Variants in ROBO2 observed in about 807,000 individuals in gnomAD.
ROBO2 encodes roundabout homolog 2.
ROBO2 carries 53 observed loss-of-function variants against 160.8 expected under a neutral mutation model. The ratio of observed to expected loss-of-function variants is 0.33; its 90% CI spans 0.26 to 0.41. The LOEUF (loss-of-function observed/expected upper bound fraction) is 0.41. Ranked by LOEUF, ROBO2 falls within the 10% of genes least tolerant of loss-of-function variation. The pLI is 1.00. For synonymous variants in ROBO2, 664 were observed against 611.7 expected (o/e 1.09, Z -1.26); for missense variants, 1,577 against 1,722.4 (o/e 0.92, Z 1.49).
chr3:76,904,538 C>G (rs930956673), intron 2 of ROBO2, among the ~76,000 whole-genome samples: 4 of 152,080 alleles, frequency 2.6e-5, no homozygotes, highest in African/African-American at 7.2e-5. Flanking sequence ...GATGCAGTAC[C>G]AGTTTCATCT....
chr3:76,075,576 T>C (rs751239594), intron 2 of ROBO2, among the ~76,000 whole-genome samples: 1 of 152,034 alleles, frequency 6.6e-6, no homozygotes, highest in Non-Finnish European at 1.5e-5. Flanking sequence ...TTGAATTAAA[T>C]GTAACATTTT....
chr3:76,763,094 C>T (rs1324134300), intron 2 of ROBO2, among the ~76,000 whole-genome samples: 1 of 151,632 alleles, frequency 6.6e-6, no homozygotes, highest in African/African-American at 2.4e-5. Context: ...AAGGCAATAA[C>T]ATGTAAAAAT....
At chr3:76,830,809 T>G (rs1437416761) in intron 2 of ROBO2, among the ~76,000 whole-genome samples, 2 of 70,808 alleles carry the variant, frequency 2.8e-5, no homozygotes, top group Non-Finnish European at 5.8e-5. Context: ...AGACCTCATT[T>G]CTAAAAAAAA....
At chr3:76,718,055 C>T (rs569546624) in intron 2 of ROBO2, among the ~76,000 whole-genome samples, 1 of 152,248 alleles carries the variant, frequency 6.6e-6, no homozygotes, top group African/African-American at 2.4e-5. Flanking sequence ...GCATAACCTG[C>T]CCAAACTGGA....
chr3:76,424,465 A>G (rs987084831), intron 2 of ROBO2, among the ~76,000 whole-genome samples: 3 of 152,184 alleles, frequency 2.0e-5, no homozygotes, highest in African/African-American at 7.2e-5. Context: ...GGATAAACAC[A>G]TAGAAGCAGA....
At chr3:76,892,301 TA>T (rs1182982582) in intron 2 of ROBO2, among the ~76,000 whole-genome samples, 1 of 150,486 alleles carries the variant, frequency 6.6e-6, no homozygotes, top group Admixed American at 6.5e-5. Flanking sequence ...GGCTCTGTCT[TA>T]AATCTCTGAT....
intron 2 of ROBO2, among the ~76,000 whole-genome samples, chr3:76,201,147 A>G (rs1001935948): frequency 9.9e-5 from 15 of 152,178 alleles, no homozygotes; most frequent in Non-Finnish European, 1.9e-4. Context: ...TTTTTTCTGA[A>G]TCAGTCTTTA....
At chr3:76,043,620 CAAAAAAAAAAA>C (rs56988287) in intron 2 of ROBO2, among the ~76,000 whole-genome samples, 13 of 38,436 alleles carry the variant, frequency 3.4e-4, no homozygotes, top group Admixed American at 2.4e-3. Context: ...CTTCATCGTC[CAAAAAAAAAAA>C]AAAAAAAAAA....
chr3:76,871,971 T>G (rs1294617513), intron 2 of ROBO2, among the ~76,000 whole-genome samples: 2 of 152,210 alleles, frequency 1.3e-5, no homozygotes, highest in Admixed American at 6.5e-5. Flanking sequence ...AAAATTTTCT[T>G]TCATTCTTTC....
At chr3:76,325,510 A>G in intron 2 of ROBO2, among the ~76,000 whole-genome samples, 1 of 152,266 alleles carries the variant, frequency 6.6e-6, no homozygotes, top group South Asian at 2.1e-4. Flanking sequence ...GTATCAGACC[A>G]TACTTGTAAA....
intron 2 of ROBO2, among the ~76,000 whole-genome samples, chr3:75,966,585 G>A (rs535205682): frequency 5.9e-5 from 9 of 151,726 alleles, no homozygotes; most frequent in South Asian, 4.1e-4. Context: ...CATGAGTGAC[G>A]TCAAGTCAGA....
At chr3:76,949,584 C>T (rs776789826) in intron 2 of ROBO2, among the ~76,000 whole-genome samples, 2 of 151,816 alleles carry the variant, frequency 1.3e-5, no homozygotes, top group Non-Finnish European at 2.9e-5. Context: ...CACGTCCGAC[C>T]GGCTTCTCCC....
At chr3:76,219,363 G>C (rs1443613039) in intron 2 of ROBO2, among the ~76,000 whole-genome samples, 1 of 152,158 alleles carries the variant, frequency 6.6e-6, no homozygotes, top group Non-Finnish European at 1.5e-5. Context: ...CACAGCAAAA[G>C]AAACCACCAT....
intron 2 of ROBO2, among the ~76,000 whole-genome samples, chr3:76,673,381 G>C (rs1350154699): frequency 1.3e-5 from 2 of 152,218 alleles, no homozygotes; most frequent in East Asian, 3.9e-4. Context: ...GGTGGGTTGG[G>C]TGAACTCTGA....
intron 2 of ROBO2, among the ~76,000 whole-genome samples, chr3:77,461,835 C>T (rs1038379641): frequency 6.6e-6 from 1 of 151,712 alleles, no homozygotes; most frequent in Non-Finnish European, 1.5e-5. Flanking sequence ...TCAAGCCATT[C>T]TCCTGCCGCA....
At chr3:76,134,543 G>T (rs563160525) in intron 2 of ROBO2, among the ~76,000 whole-genome samples, 82 of 152,194 alleles carry the variant, frequency 5.4e-4, no homozygotes, top group African/African-American at 1.9e-3. Context: ...AAGATCTGGC[G>T]ATCAGAGAAT....
At chr3:77,043,935 T>C (rs1377589267) in intron 1 of ROBO2, among the ~76,000 whole-genome samples, 1 of 152,166 alleles carries the variant, frequency 6.6e-6, no homozygotes, top group African/African-American at 2.4e-5. Context: ...TAGAATCTCA[T>C]AGAGGTTTAT....
intron 4 of ROBO2, among the ~76,000 whole-genome samples, chr3:77,483,270 A>C (rs931552515): frequency 4.9e-5 from 7 of 144,318 alleles, no homozygotes; most frequent in Non-Finnish European, 8.8e-5. Flanking sequence ...AAAGAAAAAC[A>C]AAAAAAACAA....
chr3:75,931,849 T>C (rs1240178560), intron 1 of ROBO2, among the ~76,000 whole-genome samples: 1 of 152,024 alleles, frequency 6.6e-6, no homozygotes, highest in Non-Finnish European at 1.5e-5. Context: ...ATCTTCAGAA[T>C]TAAAACCCTA....
Sources: allele counts gnomAD v4.1 joint callset (sites outside exome capture counted in the v4.1 genomes callset), GRCh38; gene constraint gnomAD v4.1.1; transcripts MANE v1.5; gene names NCBI Gene and HGNC (gene_info 2026-07-23, HGNC 2026-07-21).